MINDY4: variants seen among roughly 807,000 people sequenced by gnomAD.
The protein encoded by MINDY4 is probable ubiquitin carboxyl-terminal hydrolase MINDY-4.
In MINDY4, 68 loss-of-function variants were observed where a neutral mutation model predicts 87.0. That is an observed-to-expected ratio of 0.78 (90% confidence interval 0.64 to 0.96). MINDY4 has a LOEUF of 0.96. MINDY4 is among the 40% of genes least tolerant of loss of function. The pLI is 0.00. For synonymous variants in MINDY4, 379 were observed against 363.2 expected, an observed-to-expected ratio of 1.04 and a Z score of -0.50; for missense variants, 919 against 928.2, an observed-to-expected ratio of 0.99 and a Z score of 0.13.
intron 5 of MINDY4, among the ~76,000 whole-genome samples, chr7:30,806,121 T>G (rs1316388920): frequency 6.6e-6 from 1 of 152,230 alleles, no homozygotes. Flanking sequence ...TTGAGTTACT[T>G]GAAATTTATT....
chr7:30,869,979 G>A (rs1210573448), intron 13 of MINDY4, among the ~76,000 whole-genome samples: 1 of 152,154 alleles, frequency 6.6e-6, no homozygotes, highest in African/African-American at 2.4e-5. Flanking sequence ...GGAGGTCTGG[G>A]CATCTAGGTT....
intron 5 of MINDY4, among the ~76,000 whole-genome samples, chr7:30,816,325 A>T (rs1056190011): frequency 6.6e-6 from 1 of 152,124 alleles, no homozygotes; most frequent in Non-Finnish European, 1.5e-5. Context: ...CCGTTCCTGG[A>T]ATGTTCCAGA....
intron 5 of MINDY4, among the ~76,000 whole-genome samples, chr7:30,824,651 G>T (rs1341823071): frequency 6.6e-6 from 1 of 152,086 alleles, no homozygotes; most frequent in Non-Finnish European, 1.5e-5. Flanking sequence ...ATAGCTCACT[G>T]CAGCCTTAAA....
At chr7:30,844,708 G>A (rs1789152197) in intron 9 of MINDY4, among the ~76,000 whole-genome samples, 1 of 152,200 alleles carries the variant, frequency 6.6e-6, no homozygotes, top group African/African-American at 2.4e-5. Flanking sequence ...TTGGTGCCCA[G>A]GCTGGGAGGG....
chr7:30,817,538 C>T (rs1371935578), intron 5 of MINDY4, among the ~76,000 whole-genome samples: 4 of 152,120 alleles, frequency 2.6e-5, no homozygotes, highest in African/African-American at 4.8e-5. Flanking sequence ...CTGATGGAAG[C>T]GAGGAAGGAG....
In MINDY4 at chr7:30,882,272, T is replaced by C. The variant is rs771922404; in HGVS notation, c.2063T>C (p.Leu688Pro). 2 of 1,613,860 alleles carry C rather than the reference T, an allele frequency of 1.2e-6. No homozygotes were observed. Among genetic ancestry groups the C allele is most frequent in the Non-Finnish European group, 8.5e-7 (1 of 1,179,904 alleles). Residue 688 changes from leucine to proline, a missense_variant, in exon 16 of 18, where the codon CTC becomes CCC. Physicochemically the swap from Leu to Pro is moderately conservative, Grantham distance 98 (BLOSUM62 -3). Coordinates refer to ENST00000265299, the MANE Select transcript of MINDY4 (RefSeq NM_032222.3). Reference protein sequence around the residue: ...FSILFSLQPGLLRDWRTERLF... With the variant: ...FSILFSLQPGPLRDWRTERLF... ...ATCCTCTTTAGCCTGCAGCCGGGGC[T>C]CCTGCGTGACTGGAGGACTGAGAGG...
At chr7:30,858,138 G>A (rs2128573373) in intron 12 of MINDY4, 1 of 152,118 alleles carries the variant, frequency 6.6e-6, no homozygotes, top group Admixed American at 6.5e-5. Flanking sequence ...GGTTTCCAAA[G>A]TGGAATGAGT....
At chr7:30,874,230 G>C (rs113003958) in intron 14 of MINDY4, among the ~76,000 whole-genome samples, 3 of 152,352 alleles carry the variant, frequency 2.0e-5, no homozygotes, top group African/African-American at 7.2e-5. Flanking sequence ...GCTGGGGCTG[G>C]GCTCGCTCAA....
chr7:30,771,927 T>C (rs979077735), intron 1 of MINDY4, among the ~76,000 whole-genome samples: 9 of 152,226 alleles, frequency 5.9e-5, no homozygotes, highest in African/African-American at 9.6e-5. Flanking sequence ...CTCCGTGCGC[T>C]ACCCACGCAA....
At chr7:30,771,850 G>T (rs1198372441) in intron 1 of MINDY4, among the ~76,000 whole-genome samples, 1 of 152,218 alleles carries the variant, frequency 6.6e-6, no homozygotes, top group Admixed American at 6.5e-5. Context: ...GGGGCCTGGG[G>T]GCCGCGCCAA....
At chr7:30,774,630 C>T (rs1324929014) in intron 1 of MINDY4, among the ~76,000 whole-genome samples, 1 of 151,620 alleles carries the variant, frequency 6.6e-6, no homozygotes, top group East Asian at 1.9e-4. Flanking sequence ...GGAAATAGCT[C>T]TTCTTAGGGC....
intron 5 of MINDY4, among the ~76,000 whole-genome samples, chr7:30,815,022 G>A (rs747067271): frequency 6.6e-6 from 1 of 152,192 alleles, no homozygotes; most frequent in Non-Finnish European, 1.5e-5. Context: ...TGTTTTGTGG[G>A]ACTCAGCCTC....
intron 5 of MINDY4, among the ~76,000 whole-genome samples, chr7:30,794,274 A>G (rs1315274286): frequency 6.6e-6 from 1 of 152,088 alleles, no homozygotes; most frequent in Admixed American, 6.5e-5. Context: ...TCTCAGTCCT[A>G]GTGTGTACCA....
Position 30,786,006 on chromosome 7 carries a change from T to C in MINDY4, c.663+14T>C, listed in dbSNP as rs1327536888. The C allele has an allele frequency of 4.3e-6, 7 of 1,613,322 alleles. No individual in the cohort carries two copies. In the South Asian group the frequency reaches 7.7e-5, roughly 18 times the overall value. ...AGCTCCCCACAGGTGGGGCTGTTGC[T>C]CTTTCTGTTGTTATGGGACTGGAGG... On this transcript the variant is annotated intron_variant, in intron 4 of 17. Transcript: ENST00000265299.
chr7:30,868,992 T>C (rs1394905183), intron 13 of MINDY4, among the ~76,000 whole-genome samples: 1 of 152,182 alleles, frequency 6.6e-6, no homozygotes, highest in Non-Finnish European at 1.5e-5. Context: ...CATCTCTCCT[T>C]TGTGCTTATT....
At chr7:30,792,449 G>T (rs962068960) in intron 5 of MINDY4, among the ~76,000 whole-genome samples, 7 of 152,218 alleles carry the variant, frequency 4.6e-5, no homozygotes, top group African/African-American at 1.7e-4. Context: ...AGATTGATGT[G>T]ATTTCTTTCT....
chr7:30,785,951 G>T lies in MINDY4; in HGVS notation c.622G>T (p.Val208Leu). 1 of 1,614,250 alleles carries T rather than the reference G, an allele frequency of 6.2e-7. No homozygotes were observed. The highest frequency in any genetic ancestry group is 8.5e-7 in the Non-Finnish European group (1 of 1,180,048). Residue 208 changes from valine to leucine, a missense_variant, in exon 4 of 18, where the codon GTG becomes TTG. Physicochemically the swap from Val to Leu is conservative, Grantham distance 32. Coordinates refer to ENST00000265299, the MANE Select transcript of MINDY4 (RefSeq NM_032222.3). The part of the protein sequence containing the change: ...ENSRPKSGLI[V>L]RGMMSGPIAS... ...TTCCAGGCCAAAGTCTGGTCTGATT[G>T]TGCGAGGCATGATGTCTGGGCCCAT... is the stretch of plus-strand genomic sequence containing the variant.
chr7:30,831,498 CAG>C (rs1491280483), intron 6 of MINDY4, among the ~76,000 whole-genome samples: 2 of 152,108 alleles, frequency 1.3e-5, no homozygotes, highest in East Asian at 3.9e-4. Flanking sequence ...AGAAAGGCAA[CAG>C]GGGGGCAGGA....
rs1378924027 is a variant in MINDY4 at position 30,791,374 on chromosome 7, C to T, written c.873C>T (p.Pro291=). The T allele has an allele frequency of 2.5e-6, 4 of 1,614,132 alleles. No homozygotes were observed. Among genetic ancestry groups the T allele is most frequent in the South Asian group, 1.1e-5 (1 of 91,078 alleles). ...ERQKTTASSP[P]HLPSKRLPPW... ...AGAAAACCACTGCCAGCAGCCCTCC[C>T]CATCTGCCCAGCAAACGGCTGCCCC... The change falls in exon 5 of 18, where the codon CCC becomes CCT. Residue 291 remains proline, a synonymous_variant. Transcript: ENST00000265299.
Sources: gnomAD v4.1 joint callset for allele counts (sites outside exome capture counted in the v4.1 genomes callset) on GRCh38, gnomAD v4.1.1 for gene constraint, MANE v1.5 for transcripts, NCBI Gene and HGNC (gene_info 2026-07-23, HGNC 2026-07-21) for gene names.